The following CPSF6 variants were observed in gnomAD, a reference collection of about 807,000 sequenced individuals.
CPSF6 encodes the protein cleavage and polyadenylation specific factor 6.
In CPSF6, 10 loss-of-function variants were observed where a neutral mutation model predicts 56.7. The ratio of observed to expected loss-of-function variants is 0.18; its 90% CI spans 0.11 to 0.30. The LOEUF is 0.30. CPSF6 is among the 10% of genes least tolerant of loss of function. The pLI is 1.00. For synonymous variants in CPSF6, 248 were observed against 244.8 expected, an observed-to-expected ratio of 1.01 and a Z score of -0.12; for missense variants, 419 against 722.9, an observed-to-expected ratio of 0.58 and a Z score of 4.82.
At position 69,261,809 on chromosome 12, in the gene CPSF6, G is replaced by A. The variant is rs1203665079; in HGVS notation, c.1470-564G>A. On this transcript the variant is annotated intron_variant, in intron 8 of 9. Transcript: ENST00000435070. ...AACATTTCTACTTATTAAATACAATGTGAATACTATATCTATTCTTGCTAC... is the reference window on the plus strand; with the variant it reads ...AACATTTCTACTTATTAAATACAATATGAATACTATATCTATTCTTGCTAC... Among the ~76,000 whole-genome samples, 3 of 152,126 alleles carry A rather than the reference G, an allele frequency of 2.0e-5. No homozygotes were observed. The East Asian group carries it at 5.8e-4, about 29-fold the overall frequency.
rs1398362664 is a variant in CPSF6, at chr12:69,274,243, T to C, written c.*4735T>C. On this transcript the variant is annotated 3_prime_UTR_variant, in exon 10 of 10. Transcript: ENST00000435070. Reference sequence around the variant, plus strand: ...ATGTTTACTTTGTCTTTCCTTTCTTTAGCATTTAGGTGACTGTTCGGCAGT... The same window carrying C: ...ATGTTTACTTTGTCTTTCCTTTCTTCAGCATTTAGGTGACTGTTCGGCAGT... 6.6e-6 allele frequency: 1 copy of C among 151,964 alleles called. No individual in the cohort carries two copies. The highest frequency in any genetic ancestry group is 1.5e-5 in the Non-Finnish European group (1 of 67,890). 9.4% of individuals were successfully genotyped at this position (151,964 alleles called of 1,614,324 possible). A position where few individuals can be genotyped will look rare whatever the true frequency, so the allele number is the denominator to read the frequency against.
intron 1 of CPSF6, among the ~76,000 whole-genome samples, chr12:69,249,957 T>A (rs1482249560): frequency 6.6e-6 from 1 of 152,244 alleles, no homozygotes; most frequent in Non-Finnish European, 1.5e-5. Context: ...TGTCTGTTGC[T>A]TTTCTCTTGC....
rs1255285155 is a variant in CPSF6, at chr12:69,272,285, G to C, written c.*2777G>C. The C allele has an allele frequency of 6.6e-6, 1 of 151,518 alleles. No individual in the cohort carries two copies. Among genetic ancestry groups the C allele is most frequent in the Non-Finnish European group, 1.5e-5 (1 of 67,604 alleles). The allele number at this position is 151,518 out of a possible 1,614,324, so 9.4% of individuals were successfully genotyped here. A position where few individuals can be genotyped will look rare whatever the true frequency, so the allele number is the denominator to read the frequency against. ...AGTTAATGACAATTTGGAATACACA[G>C]ATAACTTGTAGCTTAAGATACTATT... On this transcript the variant is annotated 3_prime_UTR_variant, in exon 10 of 10. Transcript: ENST00000435070.
chr12:69,239,607 A>C lies in CPSF6; in HGVS notation c.-40A>C, dbSNP rs1017797713. 11 of 1,537,156 alleles carry C rather than the reference A, an allele frequency of 7.2e-6. No homozygotes were observed. Among genetic ancestry groups the C allele is most frequent in the East Asian group, 2.7e-5 (1 of 36,874 alleles). On this transcript the variant is annotated 5_prime_UTR_variant, in exon 1 of 10. Coordinates refer to ENST00000435070, the MANE Select transcript of CPSF6 (RefSeq NM_007007.3). ...CTGCTGCCGCGGCGGGCAGACCTGC[A>C]GGAGGCGGCGGCGGCGGCGGCGGCC...
At chr12:69,255,816 C>T (rs566205779) in intron 3 of CPSF6, among the ~76,000 whole-genome samples, 6 of 152,274 alleles carry the variant, frequency 3.9e-5, no homozygotes, top group Non-Finnish European at 5.9e-5. Context: ...AGATTATAGG[C>T]GTGAGCCACT....
intron 1 of CPSF6, 61 bp downstream of exon 1, chr12:69,239,767 C>T (rs1871499955): frequency 1.4e-6 from 2 of 1,473,274 alleles, no homozygotes; most frequent in Admixed American, 2.4e-5. Context: ...GGAAGCTGAC[C>T]CGGGGCCCGC....
chr12:69,259,392 TGAG>T (rs748578891), intron 6 of CPSF6, 33 bp from the exon 7 acceptor site: 40 of 1,595,412 alleles, frequency 2.5e-5, no homozygotes, highest in Non-Finnish European at 3.4e-5. Context: ...GGAAATCTGT[TGAG>T]TATGAGTTAA....
chr12:69,270,792 G>C lies in CPSF6; in HGVS notation c.*1284G>C, dbSNP rs1173318138. ...AGCATGTGTTCTTGATTGCAAAATT[G>C]GCAGAGGCAGGGTGTCAACTTGATT... On this transcript the variant is annotated 3_prime_UTR_variant, in exon 10 of 10. Transcript: ENST00000435070. 6.6e-6 allele frequency: 1 copy of C among 151,648 alleles called. No individual in the cohort carries two copies. The highest frequency in any genetic ancestry group is 1.5e-5 in the Non-Finnish European group (1 of 67,660). The allele number at this position is 151,648 out of a possible 1,614,324, so 9.4% of individuals were successfully genotyped here. A position where few individuals can be genotyped will look rare whatever the true frequency, so the allele number is the denominator to read the frequency against.
rs758755427 is a variant in CPSF6 at position 69,262,580 on chromosome 12, CCT to C, written c.*3+19_*3+20del. On this transcript the variant is annotated intron_variant, in intron 9 of 9. Transcript: ENST00000435070. The stretch of plus-strand genomic sequence containing the variant: ...GTTAGAAGGTGGGTATTCCTTGTTC[CCT>C]GTTAAATGTGTGTGTATTCTTAACA... 1 of 1,594,150 alleles carries C rather than the reference CCT, an allele frequency of 6.3e-7. No homozygotes were observed. Among genetic ancestry groups the C allele is most frequent in the Non-Finnish European group, 8.6e-7 (1 of 1,169,440 alleles).
At chr12:69,255,723 G>C (rs536094784) in intron 3 of CPSF6, among the ~76,000 whole-genome samples, 1 of 152,276 alleles carries the variant, frequency 6.6e-6, no homozygotes, top group African/African-American at 2.4e-5. Flanking sequence ...ATTTTTAGTA[G>C]AGACGGGGTT....
intron 1 of CPSF6, among the ~76,000 whole-genome samples, chr12:69,242,293 C>T (rs1189089277): frequency 1.3e-5 from 2 of 151,928 alleles, no homozygotes; most frequent in East Asian, 3.9e-4. Flanking sequence ...TTTCCATTTT[C>T]TACTATTTTT....
chr12:69,241,257 T>C (rs542449243), intron 1 of CPSF6, among the ~76,000 whole-genome samples: 34 of 152,358 alleles, frequency 2.2e-4, no homozygotes, highest in Admixed American at 7.8e-4. Context: ...ATTGTGCTTA[T>C]GTTTTAAATA....
intron 9 of CPSF6, among the ~76,000 whole-genome samples, chr12:69,267,675 A>G (rs1465986995): frequency 6.6e-6 from 1 of 151,938 alleles, no homozygotes; most frequent in Non-Finnish European, 1.5e-5. Flanking sequence ...AGACTGTAAA[A>G]TTTGTATTTC....
intron 2 of CPSF6, chr12:69,252,070 CA>C (rs1401147124): frequency 8.8e-6 from 4 of 455,616 alleles, no homozygotes; most frequent in Non-Finnish European, 1.8e-5. Flanking sequence ...GTTTTATTTA[CA>C]TTTCTTTTTT....
intron 1 of CPSF6, among the ~76,000 whole-genome samples, chr12:69,247,680 G>A (rs750308905): frequency 6.6e-6 from 1 of 151,938 alleles, no homozygotes; most frequent in Non-Finnish European, 1.5e-5. Flanking sequence ...TATACATTTT[G>A]CATAATTTCT....
rs1431495236 is a variant in CPSF6 at position 69,249,151 on chromosome 12, TCGG to T, written c.61-1977_61-1975del. 6.6e-3 allele frequency among the ~76,000 whole-genome samples: 140 copies of T among 21,350 alleles called. 2 individuals carry two copies. Among genetic ancestry groups the T allele is most frequent in the Middle Eastern group, 0.022 (1 of 46 alleles). 14.0% of individuals were successfully genotyped at this position (21,350 alleles called of 152,430 possible). On this transcript the variant is annotated intron_variant, in intron 1 of 9. Transcript: ENST00000435070. ...AGCGGGCGCCTGTAGTCCCAGCTACTCGGGGGGGGGGGGGGGGGCTGAGGCAGG... is the reference window on the plus strand; with the variant it reads ...AGCGGGCGCCTGTAGTCCCAGCTACTGGGGGGGGGGGGGGGCTGAGGCAGG...
In CPSF6 at chr12:69,269,568, G is replaced by A. The variant is rs986074622; in HGVS notation, c.*60G>A. The A allele has an allele frequency of 2.4e-5, 11 of 449,034 alleles. No homozygotes were observed. The highest frequency in any genetic ancestry group is 7.9e-5 in the South Asian group (5 of 63,076). 27.8% of individuals were successfully genotyped at this position (449,034 alleles called of 1,614,324 possible). ...ACAGTCTTCATGGGGGAAAAATGAC[G>A]CTTGTCCAGCAGTTTGCTTCTTGTG... On this transcript the variant is annotated 3_prime_UTR_variant, in exon 10 of 10. Coordinates refer to ENST00000435070, the MANE Select transcript of CPSF6 (RefSeq NM_007007.3).
intron 9 of CPSF6, among the ~76,000 whole-genome samples, chr12:69,267,533 A>C (rs1403695559): frequency 6.6e-6 from 1 of 151,958 alleles, no homozygotes; most frequent in Non-Finnish European, 1.5e-5. Context: ...TGGACGTTGA[A>C]TGTATTTGTC....
Position 69,262,389 on chromosome 12 carries a change from G to C in CPSF6, c.1486G>C (p.Glu496Gln). 1 of 1,602,324 alleles carries C rather than the reference G, an allele frequency of 6.2e-7. No individual in the cohort carries two copies. The highest frequency in any genetic ancestry group is 8.5e-7 in the Non-Finnish European group (1 of 1,172,110). ...GSGSRRERSR[E>Q]RDHSRSREKS... ...TTTTAGAAGACGTGAACGATCAAGA[G>C]AGAGGGACCATAGTAGATCACGAGA... Residue 496 changes from glutamate (E) to glutamine (Q), a missense_variant, in exon 9 of 10, where the codon GAG becomes CAG. Glu to Gln is a conservative substitution (Grantham distance 29, BLOSUM62 2). Around this residue, in one of 4 missense-constraint regions of CPSF6, gnomAD observed 81 missense variants for 193.6 expected, o/e 0.42. Coordinates refer to ENST00000435070, the MANE Select transcript of CPSF6 (RefSeq NM_007007.3).
Sources: allele counts gnomAD v4.1 joint callset (sites outside exome capture counted in the v4.1 genomes callset), GRCh38; gene constraint gnomAD v4.1.1; regional missense constraint gnomAD v4.1.1; transcripts MANE v1.5; gene names NCBI Gene and HGNC (gene_info 2026-07-23, HGNC 2026-07-21).